GSDMC: variants seen among roughly 807,000 people sequenced by gnomAD.
GSDMC encodes the protein gasdermin-C.
GSDMC carries 59 observed loss-of-function variants against 58.0 expected under a neutral mutation model. That is an observed-to-expected ratio of 1.02 (90% CI 0.82 to 1.26). GSDMC has a LOEUF of 1.26. GSDMC is among the 50% of genes most tolerant of loss of function. The pLI is 0.00. For synonymous variants in GSDMC, 241 were observed against 220.2 expected (o/e 1.09, Z -0.83); for missense variants, 659 against 598.5 (o/e 1.10, Z -1.06).
downstream of GSDMC, among the ~76,000 whole-genome samples, chr8:129,743,687 T>G (rs1563780632): frequency 6.6e-6 from 1 of 152,166 alleles, no homozygotes; most frequent in Non-Finnish European, 1.5e-5. Flanking sequence ...CTTTAAGAAG[T>G]GTTAAATTTT....
At chr8:129,776,930 T>A (rs1050477278) in intron 2 of GSDMC, among the ~76,000 whole-genome samples, 2 of 111,184 alleles carry the variant, frequency 1.8e-5, no homozygotes, top group Non-Finnish European at 4.5e-5. Flanking sequence ...CCTGGATAAT[T>A]TTTTTTTTTT....
rs139994074 is a variant in GSDMC, at chr8:129,750,438, A to C, written c.1076T>G (p.Met359Arg). The C allele has an allele frequency of 1.6e-4, 255 of 1,613,504 alleles. 2 individuals are homozygous for C. The African/African-American group carries it at 3.2e-3, about 20-fold the overall frequency. Reference protein sequence around the residue: ...LRDRGALQDLMNMLELDSSGH... With the variant: ...LRDRGALQDLRNMLELDSSGH... Reference sequence around the variant, plus strand: ...AACTGTGGAGCCCCTCACCATGTTCATCAGGTCCTGTAGAGCCCCTCTGTC... The same window carrying C: ...AACTGTGGAGCCCCTCACCATGTTCCTCAGGTCCTGTAGAGCCCCTCTGTC... The change falls in exon 11 of 14, where the codon ATG becomes AGG. Residue 359 changes from methionine to arginine, a missense_variant. Transcript: ENST00000276708.
chr8:129,776,098 T>C lies in GSDMC; in HGVS notation c.404+4A>G. The C allele has an allele frequency of 6.2e-7, 1 of 1,611,150 alleles. No homozygotes were observed. Among genetic ancestry groups the C allele is most frequent in the Non-Finnish European group, 8.5e-7 (1 of 1,177,954 alleles). On this transcript the variant is annotated splice_donor_region_variant and intron_variant, in intron 3 of 13. Coordinates refer to ENST00000276708, the MANE Select transcript of GSDMC (RefSeq NM_031415.3). ...TCCATCCCCTTCCTCTCCCATGGCC[T>C]CACCTTTTTTGAAAGTCTTCCAGGT...
chr8:129,776,906 G>A (rs940497267), intron 2 of GSDMC, among the ~76,000 whole-genome samples: 4 of 150,750 alleles, frequency 2.7e-5, no homozygotes, highest in African/African-American at 9.8e-5. Context: ...GACTACAAGA[G>A]TGCACCACCC....
At chr8:129,718,557 A>G in the GSDMC span, among the ~76,000 whole-genome samples, 1 of 152,340 alleles carries the variant, frequency 6.6e-6, no homozygotes, top group African/African-American at 2.4e-5. Context: ...GATGTGGAGA[A>G]ATTGTAACGC....
In GSDMC at chr8:129,748,416, C is replaced by G. The variant is rs1037572431; in HGVS notation, c.*85G>C. On this transcript the variant is annotated 3_prime_UTR_variant, in exon 14 of 14. Transcript: ENST00000276708. ...ACCTGGAAACGCAGAGAGGCACAGC[C>G]CTATCTCTTGCACCCATAAGGACAC... The G allele has an allele frequency of 2.2e-6, 3 of 1,358,040 alleles. No homozygotes were observed. Among genetic ancestry groups the G allele is most frequent in the African/African-American group, 3.0e-5 (2 of 67,354 alleles). The allele number at this position is 1,358,040 out of a possible 1,614,324, so 84.1% of individuals were successfully genotyped here. A position where few individuals can be genotyped will look rare whatever the true frequency, so the allele number is the denominator to read the frequency against.
chr8:129,735,841 C>T, the GSDMC span, among the ~76,000 whole-genome samples: 10 of 152,116 alleles, frequency 6.6e-5, no homozygotes, highest in African/African-American at 2.4e-4. Context: ...ACACAAAAAA[C>T]CCTCAAAAAA....
At chr8:129,769,077 CAAAGG>C (rs1469119786) in intron 3 of GSDMC, among the ~76,000 whole-genome samples, 10 of 123,570 alleles carry the variant, frequency 8.1e-5, no homozygotes, top group Non-Finnish European at 1.1e-4. Flanking sequence ...GACCCTGTCA[CAAAGG>C]AAAGGAGAGG....
chr8:129,715,300 C>A, the GSDMC span, among the ~76,000 whole-genome samples: 26 of 152,036 alleles, frequency 1.7e-4, no homozygotes, highest in Admixed American at 3.9e-4. Context: ...GACATAAAAG[C>A]AACACTCCAA....
At chr8:129,746,712 GTTC>G (rs1441791545), downstream of GSDMC, among the ~76,000 whole-genome samples, 1 of 152,158 alleles carries the variant, frequency 6.6e-6, no homozygotes, top group Non-Finnish European at 1.5e-5. Context: ...GACTAGCCTT[GTTC>G]TTCTTCAAAG....
At chr8:129,760,213 G>T (rs2033604209) in intron 6 of GSDMC, among the ~76,000 whole-genome samples, 1 of 152,178 alleles carries the variant, frequency 6.6e-6, no homozygotes, top group South Asian at 2.1e-4. Flanking sequence ...ACTGGGAAGG[G>T]TGGTGGGGGG....
the GSDMC span, among the ~76,000 whole-genome samples, chr8:129,738,098 A>C: frequency 6.6e-6 from 1 of 152,254 alleles, no homozygotes. Flanking sequence ...AGAGAAATGC[A>C]AATCAAAACC....
At chr8:129,785,038 C>A (rs971750826) in intron 1 of GSDMC, among the ~76,000 whole-genome samples, 1 of 152,056 alleles carries the variant, frequency 6.6e-6, no homozygotes, top group Admixed American at 6.5e-5. Flanking sequence ...CATGGAGAAA[C>A]CCCGCTCTAC....
intron 4 of GSDMC, among the ~76,000 whole-genome samples, chr8:129,763,795 G>T (rs2033758592): frequency 6.6e-6 from 1 of 152,104 alleles, no homozygotes; most frequent in Non-Finnish European, 1.5e-5. Context: ...GCCCAGGCTG[G>T]TGTTGAACTC....
intron 4 of GSDMC, among the ~76,000 whole-genome samples, chr8:129,764,032 T>A (rs1435600646): frequency 1.3e-5 from 2 of 152,230 alleles, no homozygotes; most frequent in Admixed American, 6.5e-5. Flanking sequence ...AATATCCTTT[T>A]TGCAAAGCAT....
chr8:129,728,117 T>C, the GSDMC span, among the ~76,000 whole-genome samples: 1 of 152,038 alleles, frequency 6.6e-6, no homozygotes, highest in Non-Finnish European at 1.5e-5. Context: ...TCTTCACTGC[T>C]CTACACCCAG....
At chr8:129,753,531 G>C (rs1000779394) in intron 6 of GSDMC, among the ~76,000 whole-genome samples, 3 of 152,224 alleles carry the variant, frequency 2.0e-5, no homozygotes, top group Non-Finnish European at 4.4e-5. Flanking sequence ...TGGGCTCTGA[G>C]ATGTGCTAAC....
chr8:129,781,389 T>A (rs139175051), intron 1 of GSDMC, among the ~76,000 whole-genome samples: 2,173 of 152,234 alleles, frequency 0.014, 60 homozygotes, highest in African/African-American at 0.049. Context: ...TATACTTGTA[T>A]CAGACAAAAT....
downstream of GSDMC, among the ~76,000 whole-genome samples, chr8:129,744,864 G>C (rs2032929704): frequency 6.6e-6 from 1 of 152,188 alleles, no homozygotes; most frequent in Non-Finnish European, 1.5e-5. Flanking sequence ...ATTTAACAAT[G>C]CTATCATACT....
Sources: allele counts gnomAD v4.1 joint callset (sites outside exome capture counted in the v4.1 genomes callset), GRCh38; gene constraint gnomAD v4.1.1; transcripts MANE v1.5; gene names NCBI Gene and HGNC (gene_info 2026-07-23, HGNC 2026-07-21).